CCDC73: variants seen among roughly 807,000 people sequenced by gnomAD.
The protein encoded by CCDC73 is coiled-coil domain-containing protein 73.
Under a neutral mutation model 116.5 loss-of-function variants are expected in CCDC73, and 95 were observed. That is an observed-to-expected ratio of 0.82 (90% CI 0.69 to 0.97). CCDC73 has a LOEUF of 0.97. CCDC73 is among the 50% of genes least tolerant of loss of function. CCDC73 has a pLI of 0.00. For synonymous variants in CCDC73, 398 were observed against 401.3 expected (o/e 0.99, Z 0.10); for missense variants, 1,066 against 1,206.8 (o/e 0.88, Z 1.73).
At chr11:32,819,048 G>C in the CCDC73 span, among the ~76,000 whole-genome samples, 1 of 152,102 alleles carries the variant, frequency 6.6e-6, no homozygotes, top group Admixed American at 6.6e-5. Flanking sequence ...CCTTTAAAAT[G>C]GTTAAAATGG....
intron 13 of CCDC73, among the ~76,000 whole-genome samples, chr11:32,639,248 T>C (rs779181541): frequency 1.7e-4 from 26 of 152,050 alleles, no homozygotes; most frequent in Non-Finnish European, 3.1e-4. Context: ...AAGAAAATGA[T>C]TTATTTTGTG....
chr11:32,799,384 G>A (rs1484821413), upstream of CCDC73, among the ~76,000 whole-genome samples: 1 of 151,816 alleles, frequency 6.6e-6, no homozygotes, highest in Admixed American at 6.6e-5. Flanking sequence ...GAGCCACCAT[G>A]CCTGGCCCCA....
At chr11:32,653,428 A>G (rs975057469) in intron 11 of CCDC73, among the ~76,000 whole-genome samples, 1 of 152,216 alleles carries the variant, frequency 6.6e-6, no homozygotes, top group African/African-American at 2.4e-5. Context: ...AATAATTAAC[A>G]AAGTTTTTTG....
chr11:32,679,246 T>C (rs1280802990), intron 7 of CCDC73, among the ~76,000 whole-genome samples: 1 of 152,218 alleles, frequency 6.6e-6, no homozygotes, highest in East Asian at 1.9e-4. Flanking sequence ...TCTTCTAAAA[T>C]ACCCCTTAAT....
chr11:32,794,816 A>T (rs532269277), upstream of CCDC73, among the ~76,000 whole-genome samples: 43 of 151,978 alleles, frequency 2.8e-4, no homozygotes, highest in Non-Finnish European at 5.4e-4. Context: ...CTTAAGTACA[A>T]CATGTATTGG....
chr11:32,781,892 G>C (rs198265), intron 1 of CCDC73, among the ~76,000 whole-genome samples: 2,198 of 152,210 alleles, frequency 0.014, 48 homozygotes, highest in African/African-American at 0.05. Flanking sequence ...GGCCTGTTAG[G>C]AACACCCCAG....
chr11:32,800,888 C>T, the CCDC73 span, among the ~76,000 whole-genome samples: 89,049 of 151,972 alleles, frequency 0.59, 26,427 homozygotes, highest in East Asian at 0.84. Flanking sequence ...CAGGATGCCT[C>T]GGCTGCAAAT....
At chr11:32,623,676 T>A (rs569287870) in intron 14 of CCDC73, among the ~76,000 whole-genome samples, 1 of 152,170 alleles carries the variant, frequency 6.6e-6, no homozygotes, top group South Asian at 2.1e-4. Context: ...TGTTGAAGGA[T>A]GAATGGGAAG....
chr11:32,747,431 A>T (rs1004980679), intron 2 of CCDC73, among the ~76,000 whole-genome samples: 4 of 152,256 alleles, frequency 2.6e-5, no homozygotes, highest in Middle Eastern at 3.4e-3. Context: ...GAGCTTGAAC[A>T]CCATGCTGGC....
At chr11:32,651,931 A>T (rs1296582210) in intron 12 of CCDC73, among the ~76,000 whole-genome samples, 1 of 152,170 alleles carries the variant, frequency 6.6e-6, no homozygotes, top group Admixed American at 6.5e-5. Context: ...TGGACATCCC[A>T]TCACTTGGCC....
intron 2 of CCDC73, among the ~76,000 whole-genome samples, chr11:32,752,037 T>G (rs1303498217): frequency 6.6e-6 from 1 of 152,206 alleles, no homozygotes; most frequent in East Asian, 1.9e-4. Context: ...CACACTCCAG[T>G]GTCTTTCCCC....
In CCDC73 at chr11:32,650,143, G is replaced by A. The variant is rs59547349; in HGVS notation, c.939+2980C>T. On this transcript the variant is annotated intron_variant, in intron 12 of 17. Coordinates refer to ENST00000335185, the MANE Select transcript of CCDC73 (RefSeq NM_001008391.4). ...AGAATTCAGCAGTATGTAAGTACTG[G>A]ATTTAGAGCTCATGAAGGGGCAAGT... Among the ~76,000 whole-genome samples the A allele has an allele frequency of 8.1e-3, 1,232 of 152,238 alleles. 16 individuals carry two copies. Among genetic ancestry groups the A allele is most frequent in the African/African-American group, 0.027 (1,102 of 41,554 alleles).
chr11:32,641,715 G>GTATATATA lies in CCDC73; in HGVS notation c.1050+249_1050+256dup, dbSNP rs56262743. Among the ~76,000 whole-genome samples the GTATATATA allele has an allele frequency of 7.9e-3, 1,180 of 148,898 alleles. 13 individuals are homozygous for GTATATATA. The highest frequency in any genetic ancestry group is 0.026 in the African/African-American group (1,056 of 40,798). Reference sequence around the variant, plus strand: ...TCAAATTATATATATATATGTGTGTGTATATATATATATATGCATGCATAT... The same window carrying GTATATATA: ...TCAAATTATATATATATATGTGTGTGTATATATATATATATATATATATGCATGCATAT... On this transcript the variant is annotated intron_variant, in intron 13 of 17. Transcript: ENST00000335185.
At chr11:32,811,935 G>A in the CCDC73 span, among the ~76,000 whole-genome samples, 1 of 151,450 alleles carries the variant, frequency 6.6e-6, no homozygotes, top group Non-Finnish European at 1.5e-5. Context: ...CCATTCTTCT[G>A]TTGATGGTTG....
At chr11:32,776,901 G>GT (rs1850536382) in intron 1 of CCDC73, among the ~76,000 whole-genome samples, 1 of 141,040 alleles carries the variant, frequency 7.1e-6, no homozygotes, top group Non-Finnish European at 1.5e-5. Flanking sequence ...GGTTTACAGA[G>GT]TATTTCTTCC....
chr11:32,691,640 C>T (rs1028523712), intron 6 of CCDC73, among the ~76,000 whole-genome samples: 1 of 152,072 alleles, frequency 6.6e-6, no homozygotes. Flanking sequence ...AATGTTTTCT[C>T]CTACTCTGTG....
chr11:32,676,464 A>G (rs1047911450), intron 7 of CCDC73, among the ~76,000 whole-genome samples: 4 of 152,206 alleles, frequency 2.6e-5, no homozygotes, highest in African/African-American at 2.4e-5. Context: ...AATAATTTCA[A>G]TGTACACTAC....
chr11:32,776,373 T>C (rs1367155837), intron 1 of CCDC73, among the ~76,000 whole-genome samples: 2 of 152,172 alleles, frequency 1.3e-5, no homozygotes, highest in Non-Finnish European at 2.9e-5. Flanking sequence ...TCTTTTTGTA[T>C]ACAAATCAAG....
At chr11:32,607,785 G>C (rs529628211) in intron 17 of CCDC73, among the ~76,000 whole-genome samples, 2 of 148,688 alleles carry the variant, frequency 1.3e-5, no homozygotes, top group Non-Finnish European at 3.0e-5. Flanking sequence ...CCGTTCTCAC[G>C]CCGCTAATAA....
Sources: gnomAD v4.1 joint callset for allele counts (sites outside exome capture counted in the v4.1 genomes callset) on GRCh38, gnomAD v4.1.1 for gene constraint, MANE v1.5 for transcripts, NCBI Gene and HGNC (gene_info 2026-07-23, HGNC 2026-07-21) for gene names.